Variants in GSDMA observed in about 807,000 individuals in gnomAD.
GSDMA encodes gasdermin-A.
GSDMA carries 55 observed loss-of-function variants against 54.3 expected under a neutral mutation model. The observed-to-expected ratio is 1.01, with a 90% CI of 0.82 to 1.27. The LOEUF (loss-of-function observed/expected upper bound fraction) is 1.27. Ranked by LOEUF, GSDMA falls within the 50% of genes most tolerant of loss-of-function variation. The pLI is 0.00. For synonymous variants in GSDMA, 211 were observed against 224.7 expected, an observed-to-expected ratio of 0.94 and a Z score of 0.54; for missense variants, 542 against 542.6, an observed-to-expected ratio of 1.00 and a Z score of 0.01.
chr17:39,974,990 C>T lies in GSDMA; in HGVS notation c.997C>T (p.Leu333Phe). The T allele has an allele frequency of 6.2e-7, 1 of 1,611,808 alleles. No individual in the cohort carries two copies. The highest frequency in any genetic ancestry group is 2.2e-5 in the East Asian group (1 of 44,876). The change falls in exon 10 of 12, where the codon CTC becomes TTC. Residue 333 changes from leucine (L) to phenylalanine (F), a missense_variant. Coordinates refer to ENST00000301659, the MANE Select transcript of GSDMA (RefSeq NM_178171.5). ...ATCAAAGGAGGCCGTGGGCGCCATCCTCTATTTCGTTGGAGCCCTAACAGG... is the reference window on the plus strand; with the variant it reads ...ATCAAAGGAGGCCGTGGGCGCCATCTTCTATTTCGTTGGAGCCCTAACAGG... ...LLSKEAVGAI[L>F]YFVGALTELS...
chr17:39,970,583 T>C lies in GSDMA; in HGVS notation c.494T>C (p.Leu165Pro), dbSNP rs1272506215. The part of the protein sequence containing the change: ...EVVETVQEVT[L>P]ERAGKAEACF... ...GTGGAGACGGTGCAGGAGGTCACAC[T>C]GGAGCGAGCCGGCAAGGCAGAGGCC... is the stretch of plus-strand genomic sequence containing the variant. The change falls in exon 4 of 12, where the codon CTG (leucine) becomes CCG (proline). Residue 165 changes from leucine (L) to proline (P), a missense_variant. Transcript: ENST00000301659. The C allele has an allele frequency of 1.9e-6, 3 of 1,606,042 alleles. No individual in the cohort carries two copies. The South Asian group carries it at 3.3e-5, about 18-fold the overall frequency.
intron 7 of GSDMA, among the ~76,000 whole-genome samples, chr17:39,973,270 G>GA (rs1186603700): frequency 1.3e-4 from 16 of 119,682 alleles, no homozygotes; most frequent in African/African-American, 4.5e-4. Context: ...ACGGCGCCTG[G>GA]CCTTTTTTTT....
intron 6 of GSDMA, 107 bp downstream of exon 6, chr17:39,972,283 C>T (rs1309652691): frequency 1.2e-6 from 1 of 817,022 alleles, no homozygotes; most frequent in African/African-American, 1.7e-5. Context: ...CCCCAAGGAG[C>T]CTCTGCTTTT....
intron 4 of GSDMA, 76 bp from the exon 5 acceptor site, chr17:39,971,448 C>G (rs1401729218): frequency 2.7e-6 from 3 of 1,128,588 alleles, no homozygotes; most frequent in Non-Finnish European, 4.0e-6. Flanking sequence ...GACCCTGCAC[C>G]TCCCCCAACT....
chr17:39,971,744 C>T (rs897389681), intron 5 of GSDMA, 124 bp downstream of exon 5: 22 of 693,238 alleles, frequency 3.2e-5, no homozygotes, highest in African/African-American at 5.3e-5. Flanking sequence ...TACTGTGATC[C>T]GACTGCAGCC....
chr17:39,973,053 C>A (rs532601229), intron 7 of GSDMA, among the ~76,000 whole-genome samples: 2 of 152,198 alleles, frequency 1.3e-5, no homozygotes, highest in South Asian at 2.1e-4. Context: ...TCCACTGCAA[C>A]CTCCACCTCC....
Position 39,976,809 on chromosome 17 carries a change from C to T in GSDMA, c.1096-7C>T. The T allele has an allele frequency of 1.9e-6, 3 of 1,613,622 alleles. No homozygotes were observed. Among genetic ancestry groups the T allele is most frequent in the Non-Finnish European group, 1.7e-6 (2 of 1,179,662 alleles). ...CTTTCTTTTCATGCTGTTTTGATTC[C>T]CTCCAGGTGGAGAGCACGATGGAAC... On this transcript the variant is annotated splice_polypyrimidine_tract_variant and splice_region_variant and intron_variant, in intron 11 of 11. Transcript: ENST00000301659.
chr17:39,970,921 G>T (rs1186704022), intron 4 of GSDMA, among the ~76,000 whole-genome samples: 1 of 152,168 alleles, frequency 6.6e-6, no homozygotes, highest in African/African-American at 2.4e-5. Flanking sequence ...CACATTCCTG[G>T]GTTTTCCCTC....
chr17:39,966,155 G>C (rs1022577760), intron 2 of GSDMA, 105 bp from the exon 3 acceptor site: 1 of 1,231,028 alleles, frequency 8.1e-7, no homozygotes, highest in African/African-American at 1.5e-5. Flanking sequence ...TCAAACTCCT[G>C]GGCTCAAGCA....
chr17:39,972,425 C>G (rs1452133345), intron 6 of GSDMA, among the ~76,000 whole-genome samples, 162 bp from the exon 7 acceptor site: 2 of 152,200 alleles, frequency 1.3e-5, no homozygotes, highest in African/African-American at 2.4e-5. Context: ...AGAAGTAAGA[C>G]TTGGAGACTG....
chr17:39,976,566 C>G (rs1004891489), intron 11 of GSDMA, among the ~76,000 whole-genome samples: 1 of 152,228 alleles, frequency 6.6e-6, no homozygotes, highest in Non-Finnish European at 1.5e-5. Flanking sequence ...GTGTGAGCCA[C>G]CTCGCCTGGC....
At chr17:39,970,195 G>A (rs969210508) in intron 3 of GSDMA, among the ~76,000 whole-genome samples, 13 of 152,198 alleles carry the variant, frequency 8.5e-5, no homozygotes, top group African/African-American at 2.9e-4. Flanking sequence ...GCACCCAAGA[G>A]GCCCTGTTCC....
rs867925022 is a variant in GSDMA, at chr17:39,976,842, C to T, written c.1122C>T (p.Phe374=). The change falls in exon 12 of 12, where the codon TTC becomes TTT. Residue 374 remains phenylalanine, a synonymous_variant. Coordinates refer to ENST00000301659, the MANE Select transcript of GSDMA (RefSeq NM_178171.5). Reference sequence around the variant, plus strand: ...TGGAGAGCACGATGGAACAGAACTTCCTGCTGGATAAAGAGGGTGTTTTCC... The same window carrying T: ...TGGAGAGCACGATGGAACAGAACTTTCTGCTGGATAAAGAGGGTGTTTTCC... The part of the protein sequence containing the change: ...KLVESTMEQN[F]LLDKEGVFPL... 1.9e-6 allele frequency: 3 copies of T among 1,613,976 alleles called. No individual in the cohort carries two copies. The highest frequency in any genetic ancestry group is 2.2e-5 in the East Asian group (1 of 44,884).
intron 4 of GSDMA, 71 bp from the exon 5 acceptor site, chr17:39,971,453 C>T: frequency 8.2e-7 from 1 of 1,218,838 alleles, no homozygotes. Context: ...TGCACCTCCC[C>T]CAACTCACGC....
rs759373371 is a variant in GSDMA, at chr17:39,973,833, A to G, written c.751+3A>G. On this transcript the variant is annotated splice_donor_region_variant and intron_variant, in intron 8 of 11. Coordinates refer to ENST00000301659, the MANE Select transcript of GSDMA (RefSeq NM_178171.5). Reference sequence around the variant, plus strand: ...AGTTATCCAGGCATCTGATGTTGGTAAGGAACTTTGTGAGTTTCTCCCAAG... The same window carrying G: ...AGTTATCCAGGCATCTGATGTTGGTGAGGAACTTTGTGAGTTTCTCCCAAG... The G allele has an allele frequency of 3.1e-6, 5 of 1,612,440 alleles. No individual in the cohort carries two copies. Among genetic ancestry groups the G allele is most frequent in the Non-Finnish European group, 3.4e-6 (4 of 1,178,996 alleles).
intron 4 of GSDMA, among the ~76,000 whole-genome samples, chr17:39,971,288 C>A (rs1287065435): frequency 1.3e-5 from 2 of 152,064 alleles, no homozygotes; most frequent in African/African-American, 4.8e-5. Flanking sequence ...CTAGAACTGA[C>A]CTGACTAGAC....
At chr17:39,975,039 T>G in intron 10 of GSDMA, 25 bp downstream of exon 10, 2 of 1,267,644 alleles carry the variant, frequency 1.6e-6, no homozygotes, top group Non-Finnish European at 2.3e-6. Flanking sequence ...AGGTCTTCAT[T>G]TATAGACCTT....
intron 3 of GSDMA, among the ~76,000 whole-genome samples, chr17:39,969,695 A>G (rs1979841903): frequency 6.6e-6 from 1 of 152,050 alleles, no homozygotes; most frequent in African/African-American, 2.4e-5. Context: ...CAAATTATAA[A>G]GAATTTAGGT....
rs754880972 is a variant in GSDMA at position 39,966,161 on chromosome 17, A to G, written c.215-99A>G. On this transcript the variant is annotated intron_variant, in intron 2 of 11. Transcript: ENST00000301659. ...AGGCTGGTTTCAAACTCCTGGGCTC[A>G]AGCAATCCTTCCACCTTGGCCTCCC... 374 of 1,299,528 alleles carry G rather than the reference A, an allele frequency of 2.9e-4. 1 individual carries two copies. The highest frequency in any genetic ancestry group is 3.8e-4 in the Non-Finnish European group (346 of 911,942). 80.5% of individuals were successfully genotyped at this position (1,299,528 alleles called of 1,614,324 possible).
Sources: allele counts gnomAD v4.1 joint callset (sites outside exome capture counted in the v4.1 genomes callset), GRCh38; gene constraint gnomAD v4.1.1; transcripts MANE v1.5; gene names NCBI Gene and HGNC (gene_info 2026-07-23, HGNC 2026-07-21).